Variants in CLASP2 observed in about 807,000 individuals in gnomAD.
CLASP2 encodes the protein CLIP-associating protein 2.
CLASP2 carries 47 observed loss-of-function variants against 194.4 expected under a neutral mutation model. The ratio of observed to expected loss-of-function variants is 0.24; its 90% CI spans 0.19 to 0.31. The LOEUF (loss-of-function observed/expected upper bound fraction) is 0.31, where lower values mean the gene tolerates loss of function less well. CLASP2 is among the 10% of genes least tolerant of loss of function. The pLI, the probability that CLASP2 is intolerant of heterozygous loss-of-function variation, is 1.00. For missense variants in CLASP2, 1,445 were observed against 1,823.6 expected (o/e 0.79, Z 3.78); for synonymous variants, 619 against 633.5 (o/e 0.98, Z 0.34).
chr3:33,627,078 A>G lies in CLASP2; in HGVS notation c.945T>C (p.Ile315=). 1 of 1,484,842 alleles carries G rather than the reference A, an allele frequency of 6.7e-7. No homozygotes were observed. The allele number at this position is 1,484,842 out of a possible 1,614,324, so 92.0% of individuals were successfully genotyped here. ...TTTCTTCGAGTTCTCGACTAGAATA[A>G]ATCTTAAAAAAAAGATTCAGAATTA... The part of the protein sequence containing the change: ...KAFTDVPSIQ[I]YSSRELEETL... The change falls in exon 10 of 39, where the codon ATT becomes ATC. Residue 315 remains isoleucine, a splice_region_variant and synonymous_variant. Transcript: ENST00000682230.
intron 32 of CLASP2, 65 bp downstream of exon 32, chr3:33,543,368 G>T: frequency 8.8e-7 from 1 of 1,131,202 alleles, no homozygotes; most frequent in South Asian, 1.3e-5. Flanking sequence ...GCAAGACTCT[G>T]TCTCAAAAAG....
At chr3:33,689,028 C>G (rs1035237981) in intron 3 of CLASP2, among the ~76,000 whole-genome samples, 1 of 152,082 alleles carries the variant, frequency 6.6e-6, no homozygotes, top group Admixed American at 6.5e-5. Context: ...TTTGGAAACA[C>G]CACCTTTACC....
intron 6 of CLASP2, among the ~76,000 whole-genome samples, chr3:33,672,883 G>A (rs1453869465): frequency 6.6e-6 from 1 of 152,084 alleles, no homozygotes; most frequent in African/African-American, 2.4e-5. Flanking sequence ...AAGAAGGGAA[G>A]TTTAGAGAAA....
At position 33,697,009 on chromosome 3, in the gene CLASP2, A is replaced by G. The variant is rs926404708; in HGVS notation, c.196-76T>C. ...AATATCAGTATTTAATTTTTGACATATAAAAGATCTTCATAAATATATTAC... is the reference window on the plus strand; with the variant it reads ...AATATCAGTATTTAATTTTTGACATGTAAAAGATCTTCATAAATATATTAC... On this transcript the variant is annotated intron_variant, in intron 1 of 38. Transcript: ENST00000682230. The G allele has an allele frequency of 5.0e-6, 4 of 802,334 alleles. No homozygotes were observed. The Admixed American group carries it at 8.1e-5, about 16-fold the overall frequency. 49.7% of individuals were successfully genotyped at this position (802,334 alleles called of 1,614,324 possible).
At position 33,708,507 on chromosome 3, in the gene CLASP2, T is replaced by C. The variant is rs1442042406; in HGVS notation, c.195+9301A>G. ...GTGTGTATGTATATATATATATATG[T>C]ATATATATGTATATATGTATATATA... On this transcript the variant is annotated intron_variant, in intron 1 of 38. Coordinates refer to ENST00000682230, the MANE Select transcript of CLASP2 (RefSeq NM_001365631.1). Among the ~76,000 whole-genome samples the C allele has an allele frequency of 1.2e-4, 9 of 77,976 alleles. No individual in the cohort carries two copies. The East Asian group carries it at 3.4e-3, about 30-fold the overall frequency. 51.2% of individuals were successfully genotyped at this position (77,976 alleles called of 152,430 possible). A position where few individuals can be genotyped will look rare whatever the true frequency, so the allele number is the denominator to read the frequency against.
chr3:33,594,710 T>G (rs2069761535), intron 20 of CLASP2, among the ~76,000 whole-genome samples: 1 of 149,744 alleles, frequency 6.7e-6, no homozygotes, highest in Non-Finnish European at 1.5e-5. Context: ...TGTTAAGCAA[T>G]TATGTTTTTC....
intron 30 of CLASP2, among the ~76,000 whole-genome samples, chr3:33,547,680 CTGTT>C (rs1172223071): frequency 6.6e-6 from 1 of 151,834 alleles, no homozygotes; most frequent in African/African-American, 2.4e-5. Flanking sequence ...CCTTCCTCTT[CTGTT>C]TGTTTGGAAG....
chr3:33,500,135 C>G (rs2046506535), intron 38 of CLASP2, among the ~76,000 whole-genome samples: 1 of 151,990 alleles, frequency 6.6e-6, no homozygotes, highest in South Asian at 2.1e-4. Context: ...TGGGCTCAGG[C>G]AATCCTTTCA....
In CLASP2 at chr3:33,669,995, T is replaced by C. The variant is rs545509206; in HGVS notation, c.645-6480A>G. Among the ~76,000 whole-genome samples the C allele has an allele frequency of 3.3e-5, 5 of 152,266 alleles. No individual in the cohort carries two copies. The South Asian group carries it at 1.0e-3, about 31-fold the overall frequency. On this transcript the variant is annotated intron_variant, in intron 6 of 38. Coordinates refer to ENST00000682230, the MANE Select transcript of CLASP2 (RefSeq NM_001365631.1). Reference sequence around the variant, plus strand: ...ATCCATCTATAGTTTGGATTTGTAGTCTATTCATACAATGGAAAACTATAA... The same window carrying C: ...ATCCATCTATAGTTTGGATTTGTAGCCTATTCATACAATGGAAAACTATAA...
At chr3:33,692,624 C>G (rs1377031717) in intron 2 of CLASP2, among the ~76,000 whole-genome samples, 1 of 152,020 alleles carries the variant, frequency 6.6e-6, no homozygotes, top group Non-Finnish European at 1.5e-5. Flanking sequence ...CTGTAAAATA[C>G]GGAAGGATGA....
intron 13 of CLASP2, among the ~76,000 whole-genome samples, chr3:33,611,029 G>C (rs1335130398): frequency 6.6e-6 from 1 of 152,092 alleles, no homozygotes; most frequent in African/African-American, 2.4e-5. Context: ...TCAAAATGAA[G>C]TCATTTGTGT....
intron 11 of CLASP2, among the ~76,000 whole-genome samples, chr3:33,620,997 T>G (rs1346189609): frequency 2.1e-5 from 3 of 142,554 alleles, no homozygotes; most frequent in African/African-American, 7.9e-5. Flanking sequence ...CTGTAGCTCT[T>G]TGTGTGTGTG....
chr3:33,646,296 C>A (rs1375534440), intron 7 of CLASP2, among the ~76,000 whole-genome samples: 1 of 151,662 alleles, frequency 6.6e-6, no homozygotes, highest in East Asian at 1.9e-4. Flanking sequence ...AAAAAAGAAT[C>A]AAATAGACAC....
At chr3:33,509,670 A>T (rs2049223077) in intron 37 of CLASP2, among the ~76,000 whole-genome samples, 1 of 152,202 alleles carries the variant, frequency 6.6e-6, no homozygotes, top group African/African-American at 2.4e-5. Flanking sequence ...TTCTTAATAT[A>T]CATACTATGT....
intron 6 of CLASP2, 85 bp from the exon 7 acceptor site, chr3:33,663,600 G>GA: frequency 1.1e-6 from 1 of 930,588 alleles, no homozygotes; most frequent in Non-Finnish European, 1.7e-6. Flanking sequence ...CATTCCCTTA[G>GA]AAAAAACAAT....
In CLASP2 at chr3:33,686,911, CTT is replaced by C; in HGVS notation, c.546+147_546+148del. ...TGAATATAATGTTTTTAAAAACTAA[CTT>C]TGATGGATTTTTTTTAATGAGGTAA... On this transcript the variant is annotated intron_variant, in intron 5 of 38. Coordinates refer to ENST00000682230, the MANE Select transcript of CLASP2 (RefSeq NM_001365631.1). The C allele has an allele frequency of 5.4e-6, 3 of 552,318 alleles. No individual in the cohort carries two copies. The South Asian group carries it at 8.4e-5, about 16-fold the overall frequency. 34.2% of individuals were successfully genotyped at this position (552,318 alleles called of 1,614,324 possible). A position where few individuals can be genotyped will look rare whatever the true frequency, so the allele number is the denominator to read the frequency against.
chr3:33,606,648 C>T lies in CLASP2; in HGVS notation c.1637G>A (p.Ser546Asn), dbSNP rs753573345. The T allele has an allele frequency of 1.2e-6, 2 of 1,613,614 alleles. No homozygotes were observed. Among genetic ancestry groups the T allele is most frequent in the African/African-American group, 1.3e-5 (1 of 74,908 alleles). Residue 546 changes from serine (S) to asparagine (N), a missense_variant, in exon 16 of 39, where the codon AGT (serine) becomes AAT (asparagine). Coordinates refer to ENST00000682230, the MANE Select transcript of CLASP2 (RefSeq NM_001365631.1). ...SLQTYLKSSG[S>N]VASLPQSDRS... ...GTCTGATTGTGGAAGAGATGCTACA[C>T]TGCCAGAACTCTTTAAGTAAGTTTG...
chr3:33,624,428 T>G (rs1577364893), intron 10 of CLASP2, among the ~76,000 whole-genome samples: 1 of 152,050 alleles, frequency 6.6e-6, no homozygotes, highest in East Asian at 1.9e-4. Context: ...CACAATATGG[T>G]AGGATAAAAT....
intron 30 of CLASP2, among the ~76,000 whole-genome samples, chr3:33,546,530 C>A (rs2059177810): frequency 6.6e-6 from 1 of 152,148 alleles, no homozygotes; most frequent in Admixed American, 6.5e-5. Context: ...ACCAGTTTTA[C>A]AAAAGGTTTT....
Sources: gnomAD v4.1 joint callset for allele counts (sites outside exome capture counted in the v4.1 genomes callset) on GRCh38, gnomAD v4.1.1 for gene constraint, MANE v1.5 for transcripts, NCBI Gene and HGNC (gene_info 2026-07-23, HGNC 2026-07-21) for gene names.